Variants in LRMDA observed in about 807,000 individuals in gnomAD.
The protein encoded by LRMDA is leucine rich melanocyte differentiation associated.
Under a neutral mutation model 29.8 loss-of-function variants are expected in LRMDA, and 18 were observed. That is an observed-to-expected ratio of 0.60 (90% CI 0.42 to 0.90). The LOEUF is 0.90. Ranked by LOEUF, LRMDA falls within the 40% of genes least tolerant of loss-of-function variation. The probability of loss-of-function intolerance (pLI) is 0.00; values close to 1 mark genes in which losing one functional copy is unlikely to be tolerated. For missense variants in LRMDA, 273 were observed against 273.9 expected, an observed-to-expected ratio of 1.00 and a Z score of 0.02; for synonymous variants, 125 against 109.4, an observed-to-expected ratio of 1.14 and a Z score of -0.89.
At chr10:76,533,361 A>G (rs1414988981) in intron 6 of LRMDA, among the ~76,000 whole-genome samples, 1 of 152,196 alleles carries the variant, frequency 6.6e-6, no homozygotes, top group East Asian at 1.9e-4. Context: ...CATGAAAAAC[A>G]ATGCCTTTGT....
chr10:75,664,146 A>G (rs1413731456), intron 2 of LRMDA, among the ~76,000 whole-genome samples: 1 of 152,016 alleles, frequency 6.6e-6, no homozygotes, highest in Admixed American at 6.5e-5. Context: ...TAGATCGCTG[A>G]CTCATGTGTT....
chr10:76,370,819 T>G lies in LRMDA; in HGVS notation c.601+46334T>G, dbSNP rs77818880. 7.6e-3 allele frequency among the ~76,000 whole-genome samples: 1,159 copies of G among 152,210 alleles called. 33 individuals carry two copies. In the South Asian group the frequency reaches 0.093, roughly 12 times the overall value. On this transcript the variant is annotated intron_variant, in intron 6 of 6. Transcript: ENST00000611255. ...TATCATTTTTGTACTGTAGTAAATT[T>G]GAAAAATTGTAGGTCAACCCATTAT...
At chr10:76,543,911 C>G (rs35955599) in intron 6 of LRMDA, among the ~76,000 whole-genome samples, 7 of 152,106 alleles carry the variant, frequency 4.6e-5, no homozygotes, top group South Asian at 2.1e-4. Context: ...CTGAGCCCCC[C>G]CCAGGAGAGG....
chr10:75,853,955 G>A (rs891109452), intron 2 of LRMDA, among the ~76,000 whole-genome samples: 3 of 152,212 alleles, frequency 2.0e-5, no homozygotes, highest in Admixed American at 6.5e-5. Context: ...AAGTCCAGGA[G>A]GGCCCTGCCA....
At chr10:76,000,260 G>T (rs1267688967) in intron 2 of LRMDA, among the ~76,000 whole-genome samples, 1 of 152,092 alleles carries the variant, frequency 6.6e-6, no homozygotes, top group African/African-American at 2.4e-5. Context: ...TTAAAAGGGG[G>T]CCCATTACCT....
chr10:75,880,961 C>CT (rs552962283), intron 2 of LRMDA, among the ~76,000 whole-genome samples: 38 of 152,182 alleles, frequency 2.5e-4, no homozygotes, highest in Non-Finnish European at 4.6e-4. Flanking sequence ...GACCATCTGC[C>CT]TACTCTCCTG....
At chr10:75,901,494 T>A (rs1845672100) in intron 2 of LRMDA, among the ~76,000 whole-genome samples, 1 of 152,234 alleles carries the variant, frequency 6.6e-6, no homozygotes, top group African/African-American at 2.4e-5. Flanking sequence ...ACATCTTTTA[T>A]CATCATGACT....
intron 6 of LRMDA, among the ~76,000 whole-genome samples, chr10:76,420,855 G>A (rs1232740815): frequency 6.6e-6 from 1 of 151,996 alleles, no homozygotes; most frequent in African/African-American, 2.4e-5. Context: ...TAATTTACAG[G>A]TAATTTCATT....
intron 2 of LRMDA, among the ~76,000 whole-genome samples, chr10:75,868,893 C>G (rs1482117908): frequency 6.6e-6 from 1 of 152,152 alleles, no homozygotes; most frequent in Non-Finnish European, 1.5e-5. Flanking sequence ...ATGGCTTGAC[C>G]CCACCCCTGG....
chr10:75,549,758 A>T (rs1840119982), intron 2 of LRMDA, among the ~76,000 whole-genome samples: 1 of 152,182 alleles, frequency 6.6e-6, no homozygotes, highest in Non-Finnish European at 1.5e-5. Context: ...TAACATTTTT[A>T]TCGCCATAAA....
At position 75,782,902 on chromosome 10, in the gene LRMDA, C is replaced by T. The variant is rs72811406; in HGVS notation, c.132-253106C>T. The stretch of plus-strand genomic sequence containing the variant: ...TGGAGTACCTGCTGTTGCTCTCATG[C>T]CTCTTGCCAACAGTGGCATCTGCTC... On this transcript the variant is annotated intron_variant, in intron 2 of 6. Coordinates refer to ENST00000611255, the MANE Select transcript of LRMDA (RefSeq NM_001305581.2). 27 of 1,607,214 alleles carry T rather than the reference C, an allele frequency of 1.7e-5. No homozygotes were observed. The Admixed American group carries it at 1.8e-4, about 11-fold the overall frequency.
chr10:76,184,740 C>T (rs183571077), intron 5 of LRMDA, among the ~76,000 whole-genome samples: 1 of 152,276 alleles, frequency 6.6e-6, no homozygotes, highest in Admixed American at 6.5e-5. Flanking sequence ...AAAGCTATTC[C>T]CTCCTTTAAC....
At chr10:75,548,074 A>G (rs532858353) in intron 2 of LRMDA, among the ~76,000 whole-genome samples, 10 of 152,030 alleles carry the variant, frequency 6.6e-5, no homozygotes, top group South Asian at 4.1e-4. Context: ...AAGTATAAAC[A>G]TAGTGGTGAA....
At chr10:75,494,641 C>T (rs1416638162) in intron 2 of LRMDA, among the ~76,000 whole-genome samples, 1 of 145,768 alleles carries the variant, frequency 6.9e-6, no homozygotes. Flanking sequence ...GATGGGATTA[C>T]AGGTGTGTGT....
intron 2 of LRMDA, among the ~76,000 whole-genome samples, chr10:75,829,063 G>A (rs562325034): frequency 1.6e-4 from 24 of 152,176 alleles, no homozygotes; most frequent in Non-Finnish European, 3.4e-4. Flanking sequence ...TGTGTTATGA[G>A]ATGACTTTTA....
intron 4 of LRMDA, among the ~76,000 whole-genome samples, chr10:76,049,612 A>G (rs1000711462): frequency 2.6e-5 from 4 of 152,150 alleles, no homozygotes; most frequent in Non-Finnish European, 4.4e-5. Flanking sequence ...GTTCCATTCT[A>G]TGGTCTGTAA....
At chr10:76,553,600 T>A (rs902838714) in intron 6 of LRMDA, among the ~76,000 whole-genome samples, 2 of 152,230 alleles carry the variant, frequency 1.3e-5, no homozygotes, top group Admixed American at 1.3e-4. Context: ...ATAACCTTCA[T>A]GATAAATAAA....
intron 2 of LRMDA, among the ~76,000 whole-genome samples, chr10:75,918,366 T>C (rs922020034): frequency 2.0e-5 from 3 of 152,082 alleles, no homozygotes; most frequent in African/African-American, 7.2e-5. Flanking sequence ...CATCTGCTTC[T>C]GGGGAGGCCT....
chr10:75,679,529 G>A (rs766845188), intron 2 of LRMDA, among the ~76,000 whole-genome samples: 2 of 152,088 alleles, frequency 1.3e-5, no homozygotes, highest in African/African-American at 2.4e-5. Flanking sequence ...CTTCTCCATC[G>A]GTATTATTCT....
Sources: gnomAD v4.1 joint callset for allele counts (sites outside exome capture counted in the v4.1 genomes callset) on GRCh38, gnomAD v4.1.1 for gene constraint, MANE v1.5 for transcripts, NCBI Gene and HGNC (gene_info 2026-07-23, HGNC 2026-07-21) for gene names.